The following GALNTL6 variants were observed in gnomAD, a reference collection of about 807,000 sequenced individuals.
GALNTL6 encodes polypeptide N-acetylgalactosaminyltransferase like 6, also known as polypeptide N-acetylgalactosaminyltransferase-like 6.
GALNTL6 carries 46 observed loss-of-function variants against 73.7 expected under a neutral mutation model. That is an observed-to-expected ratio of 0.62 (90% CI 0.49 to 0.80). The LOEUF is 0.80. Among genes scored for constraint, GALNTL6 ranks in the 30% least tolerant of loss-of-function variants. The probability of loss-of-function intolerance (pLI) is 0.00; values close to 1 mark genes in which losing one functional copy is unlikely to be tolerated. For missense variants in GALNTL6, 604 were observed against 755.0 expected, an observed-to-expected ratio of 0.80 and a Z score of 2.34; for synonymous variants, 259 against 263.7, an observed-to-expected ratio of 0.98 and a Z score of 0.17.
chr4:172,871,351 G>GC (rs918420470), intron 7 of GALNTL6, among the ~76,000 whole-genome samples: 2 of 152,086 alleles, frequency 1.3e-5, no homozygotes, highest in African/African-American at 4.8e-5. Context: ...TGATGAATGT[G>GC]CCCCAACAGA....
chr4:172,410,921 G>T (rs773840914), intron 5 of GALNTL6, among the ~76,000 whole-genome samples: 1 of 151,990 alleles, frequency 6.6e-6, no homozygotes, highest in African/African-American at 2.4e-5. Context: ...AGCACAGCAG[G>T]CTTCACATTT....
chr4:171,948,690 G>T (rs991130348), intron 2 of GALNTL6, among the ~76,000 whole-genome samples: 2 of 151,866 alleles, frequency 1.3e-5, no homozygotes, highest in African/African-American at 4.8e-5. Flanking sequence ...TTATATTAAC[G>T]CAATAATATT....
At chr4:171,912,437 T>C (rs1192835313) in intron 2 of GALNTL6, among the ~76,000 whole-genome samples, 2 of 152,204 alleles carry the variant, frequency 1.3e-5, no homozygotes, top group African/African-American at 4.8e-5. Flanking sequence ...ATACAATAGT[T>C]GTACATATTT....
chr4:172,349,762 G>A (rs2111218031), intron 5 of GALNTL6, among the ~76,000 whole-genome samples: 1 of 151,666 alleles, frequency 6.6e-6, no homozygotes, highest in South Asian at 2.1e-4. Flanking sequence ...AGATTGCAGT[G>A]AGCTGAGATC....
chr4:172,457,727 C>T (rs570286375), intron 5 of GALNTL6, among the ~76,000 whole-genome samples: 1 of 152,248 alleles, frequency 6.6e-6, no homozygotes, highest in African/African-American at 2.4e-5. Flanking sequence ...TAGAGTGATA[C>T]AAAGTGACTT....
intron 2 of GALNTL6, among the ~76,000 whole-genome samples, chr4:172,132,691 T>C (rs1733531699): frequency 1.3e-5 from 2 of 152,182 alleles, no homozygotes; most frequent in Non-Finnish European, 2.9e-5. Context: ...TAAGCCATAT[T>C]CTTTAGATGA....
chr4:172,665,634 C>T (rs1054935541), intron 5 of GALNTL6, among the ~76,000 whole-genome samples: 1 of 152,252 alleles, frequency 6.6e-6, no homozygotes, highest in Non-Finnish European at 1.5e-5. Flanking sequence ...TCTAACATTA[C>T]CTTTCACATA....
chr4:171,909,065 A>G (rs1377859712), intron 2 of GALNTL6, among the ~76,000 whole-genome samples: 1 of 151,280 alleles, frequency 6.6e-6, no homozygotes, highest in Non-Finnish European at 1.5e-5. Flanking sequence ...TAGTGGGTGC[A>G]GCGCACCAGC....
chr4:172,113,659 T>C (rs1200061856), intron 2 of GALNTL6, among the ~76,000 whole-genome samples: 9 of 152,104 alleles, frequency 5.9e-5, no homozygotes, highest in Non-Finnish European at 1.2e-4. Context: ...GTTTGCCTTA[T>C]AAAATACCTT....
At chr4:173,003,656 T>C (rs1752145197) in intron 10 of GALNTL6, among the ~76,000 whole-genome samples, 1 of 152,200 alleles carries the variant, frequency 6.6e-6, no homozygotes, top group Non-Finnish European at 1.5e-5. Context: ...TTACAAACCT[T>C]ATGTTGAGCC....
intron 5 of GALNTL6, among the ~76,000 whole-genome samples, chr4:172,368,212 C>G (rs1278377670): frequency 6.6e-6 from 1 of 151,990 alleles, no homozygotes; most frequent in Non-Finnish European, 1.5e-5. Flanking sequence ...AACTCCGTCT[C>G]TACTAAAAAT....
At chr4:172,428,853 T>G (rs2111377015) in intron 5 of GALNTL6, among the ~76,000 whole-genome samples, 1 of 152,302 alleles carries the variant, frequency 6.6e-6, no homozygotes, top group East Asian at 1.9e-4. Flanking sequence ...GCTGTCAGAT[T>G]CAGGGGTCTG....
intron 5 of GALNTL6, among the ~76,000 whole-genome samples, chr4:172,542,388 G>T (rs1735590377): frequency 6.6e-6 from 1 of 152,094 alleles, no homozygotes; most frequent in Admixed American, 6.5e-5. Context: ...TTGCTTGTCT[G>T]TCTGCAGCTT....
chr4:172,912,979 G>A (rs1747296226), intron 8 of GALNTL6, among the ~76,000 whole-genome samples: 1 of 152,182 alleles, frequency 6.6e-6, no homozygotes, highest in Admixed American at 6.5e-5. Flanking sequence ...GGGGCCGACT[G>A]ACACCTCATA....
intron 5 of GALNTL6, among the ~76,000 whole-genome samples, chr4:172,708,835 T>A (rs56367103): frequency 0.039 from 5,874 of 152,268 alleles, 142 homozygotes; most frequent in Non-Finnish European, 0.058. Context: ...CATCCAAGTT[T>A]TCTTTTTTTC....
At chr4:171,843,084 G>A (rs1378154600) in intron 2 of GALNTL6, among the ~76,000 whole-genome samples, 1 of 152,044 alleles carries the variant, frequency 6.6e-6, no homozygotes, top group East Asian at 1.9e-4. Context: ...TAAAACAGAG[G>A]AGGGCTGGTG....
intron 5 of GALNTL6, among the ~76,000 whole-genome samples, chr4:172,447,604 T>G (rs529297738): frequency 2.0e-4 from 30 of 152,310 alleles, no homozygotes; most frequent in Admixed American, 3.9e-4. Flanking sequence ...AATGATAGTT[T>G]TATGAAGTAA....
At chr4:172,241,067 G>A (rs562149892) in intron 3 of GALNTL6, among the ~76,000 whole-genome samples, 9 of 152,168 alleles carry the variant, frequency 5.9e-5, no homozygotes, top group South Asian at 2.1e-4. Flanking sequence ...GTCTTTATTC[G>A]TAGCTGAATT....
intron 8 of GALNTL6, among the ~76,000 whole-genome samples, chr4:172,906,671 T>C (rs1746911438): frequency 6.6e-6 from 1 of 152,218 alleles, no homozygotes; most frequent in African/African-American, 2.4e-5. Flanking sequence ...TGAGCCCCCA[T>C]TGTCTTGCTG....
Sources: allele counts gnomAD v4.1 joint callset (sites outside exome capture counted in the v4.1 genomes callset), GRCh38; gene constraint gnomAD v4.1.1; transcripts MANE v1.5; gene names NCBI Gene and HGNC (gene_info 2026-07-23, HGNC 2026-07-21).